The following NKAIN3 variants were observed in gnomAD, a reference collection of about 807,000 sequenced individuals.
The protein encoded by NKAIN3 is sodium/potassium-transporting ATPase subunit beta-1-interacting protein 3.
In NKAIN3, 25 loss-of-function variants were observed where a neutral mutation model predicts 30.2. The observed-to-expected ratio is 0.83, with a 90% CI of 0.60 to 1.16. NKAIN3 has a LOEUF of 1.16. Ranked by LOEUF, NKAIN3 falls within the 50% of genes most tolerant of loss-of-function variation. NKAIN3 has a pLI of 0.00. For missense variants in NKAIN3, 225 were observed against 254.1 expected, an observed-to-expected ratio of 0.89 and a Z score of 0.78; for synonymous variants, 91 against 89.6, an observed-to-expected ratio of 1.02 and a Z score of -0.09.
At chr8:62,354,888 A>T (rs1816297911) in intron 1 of NKAIN3, among the ~76,000 whole-genome samples, 1 of 152,188 alleles carries the variant, frequency 6.6e-6, no homozygotes, top group East Asian at 1.9e-4. Flanking sequence ...AGAGCCCTGC[A>T]CTTAGGACCC....
intron 1 of NKAIN3, among the ~76,000 whole-genome samples, chr8:62,443,938 G>A (rs1017503488): frequency 1.3e-5 from 2 of 151,930 alleles, no homozygotes; most frequent in Middle Eastern, 3.2e-3. Context: ...TTTATATAAA[G>A]CTCTAACAGG....
chr8:62,522,837 AAG>A (rs1808198465), intron 1 of NKAIN3, among the ~76,000 whole-genome samples: 1 of 152,056 alleles, frequency 6.6e-6, no homozygotes, highest in Non-Finnish European at 1.5e-5. Context: ...GTGTTATTGC[AAG>A]AGTCAAAAAG....
rs574237070 is a variant in NKAIN3, at chr8:62,739,267, GA to G, written c.274-7654del. ...ACCCAGAACTTAAAGTATAATTTACGAAAAAAAAAAATATATATATACACAA... is the reference window on the plus strand; with the variant it reads ...ACCCAGAACTTAAAGTATAATTTACGAAAAAAAAAATATATATATACACAA... On this transcript the variant is annotated intron_variant, in intron 3 of 6. Coordinates refer to ENST00000623646, the MANE Select transcript of NKAIN3 (RefSeq NM_001304533.3). Among the ~76,000 whole-genome samples the G allele has an allele frequency of 5.9e-3, 865 of 147,160 alleles. 2 individuals carry two copies. Among genetic ancestry groups the G allele is most frequent in the African/African-American group, 0.011 (439 of 40,170 alleles).
At chr8:62,863,658 GA>G (rs2130791069) in intron 4 of NKAIN3, 1 of 1,353,614 alleles carries the variant, frequency 7.4e-7, no homozygotes, top group African/African-American at 1.4e-5. Flanking sequence ...TAACTTTCTC[GA>G]ACACATTTGA....
At chr8:62,808,541 G>T (rs1818379313) in intron 4 of NKAIN3, among the ~76,000 whole-genome samples, 1 of 152,066 alleles carries the variant, frequency 6.6e-6, no homozygotes, top group African/African-American at 2.4e-5. Flanking sequence ...GAAATAAGGG[G>T]AAAGAGTACC....
chr8:62,828,081 T>TA (rs199884937), intron 4 of NKAIN3, among the ~76,000 whole-genome samples: 109 of 147,414 alleles, frequency 7.4e-4, no homozygotes, highest in Non-Finnish European at 9.3e-4. Flanking sequence ...TACTCAGTAG[T>TA]AAAAAAAAAA....
chr8:62,789,090 G>A (rs1817619210), intron 4 of NKAIN3, among the ~76,000 whole-genome samples: 3 of 151,994 alleles, frequency 2.0e-5, no homozygotes, highest in African/African-American at 7.2e-5. Flanking sequence ...GTAGCTTGAT[G>A]GGGATGGCAT....
chr8:62,375,945 C>CTTACT (rs1174968335), intron 1 of NKAIN3, among the ~76,000 whole-genome samples: 4 of 152,162 alleles, frequency 2.6e-5, no homozygotes, highest in Non-Finnish European at 5.9e-5. Context: ...TTAAGGAGTT[C>CTTACT]TTACTTGGAT....
chr8:62,376,730 T>C (rs1353379658), intron 1 of NKAIN3, among the ~76,000 whole-genome samples: 3 of 152,174 alleles, frequency 2.0e-5, no homozygotes, highest in Non-Finnish European at 4.4e-5. Context: ...TCATGGGGAT[T>C]AAAAATGCAA....
At position 62,970,900 on chromosome 8, in the gene NKAIN3, G is replaced by T. The variant is rs190034033; in HGVS notation, c.*5493G>T. The stretch of plus-strand genomic sequence containing the variant: ...TCTTCTCATAGAATTTGCTTTGGCA[G>T]ACAACTTAGTCTATATTAGTTAGGA... On this transcript the variant is annotated 3_prime_UTR_variant, in exon 7 of 7. Coordinates refer to ENST00000623646, the MANE Select transcript of NKAIN3 (RefSeq NM_001304533.3). Among the ~76,000 whole-genome samples, 175 of 152,288 alleles carry T rather than the reference G, an allele frequency of 1.1e-3. 2 individuals carry two copies. The highest frequency in any genetic ancestry group is 3.5e-3 in the African/African-American group (144 of 41,564).
chr8:62,272,754 G>A (rs965185467), intron 1 of NKAIN3, among the ~76,000 whole-genome samples: 9 of 152,122 alleles, frequency 5.9e-5, no homozygotes, highest in African/African-American at 1.9e-4. Context: ...TCTAACTATG[G>A]CCTGCCAAGT....
At chr8:62,676,485 C>T (rs1285045761) in intron 3 of NKAIN3, among the ~76,000 whole-genome samples, 1 of 152,174 alleles carries the variant, frequency 6.6e-6, no homozygotes, top group African/African-American at 2.4e-5. Context: ...AGTAGAATGG[C>T]GTGAACGTGG....
At chr8:62,415,407 ATTC>A (rs1804413666) in intron 1 of NKAIN3, among the ~76,000 whole-genome samples, 1 of 149,736 alleles carries the variant, frequency 6.7e-6, no homozygotes, top group Non-Finnish European at 1.5e-5. Context: ...ATAAATAGTA[ATTC>A]TTCATTATTA....
chr8:62,628,756 A>C (rs1195946832), intron 3 of NKAIN3, among the ~76,000 whole-genome samples: 1 of 152,126 alleles, frequency 6.6e-6, no homozygotes, highest in African/African-American at 2.4e-5. Context: ...TAGATTTCTC[A>C]TGCATAAGTA....
At chr8:62,361,018 A>T (rs904958421) in intron 1 of NKAIN3, among the ~76,000 whole-genome samples, 1 of 380 alleles carries the variant, frequency 2.6e-3, no homozygotes, top group African/African-American at 3.7e-3. Flanking sequence ...GCTAAAAAAA[A>T]AAAAAAAAAA....
chr8:62,844,295 T>C (rs1269967116), intron 4 of NKAIN3, among the ~76,000 whole-genome samples: 5 of 152,172 alleles, frequency 3.3e-5, no homozygotes, highest in African/African-American at 1.2e-4. Flanking sequence ...TCTCCAGAGT[T>C]ACTGAAGGTT....
At chr8:62,894,011 A>G (rs1039733172) in intron 4 of NKAIN3, among the ~76,000 whole-genome samples, 6 of 152,240 alleles carry the variant, frequency 3.9e-5, no homozygotes, top group African/African-American at 1.4e-4. Flanking sequence ...ATGAAAACCC[A>G]GGACTCCATA....
intron 4 of NKAIN3, among the ~76,000 whole-genome samples, chr8:62,767,888 T>G (rs1816894140): frequency 6.6e-6 from 1 of 152,146 alleles, no homozygotes; most frequent in Admixed American, 6.6e-5. Flanking sequence ...ACATAATTAT[T>G]CTATATTGAT....
intron 1 of NKAIN3, among the ~76,000 whole-genome samples, chr8:62,269,620 A>C (rs1246957020): frequency 1.3e-5 from 2 of 152,200 alleles, no homozygotes; most frequent in East Asian, 3.8e-4. Context: ...TTCAGTGTTC[A>C]AATACGTAGA....
Sources: allele counts gnomAD v4.1 joint callset (sites outside exome capture counted in the v4.1 genomes callset), GRCh38; gene constraint gnomAD v4.1.1; transcripts MANE v1.5; gene names NCBI Gene and HGNC (gene_info 2026-07-23, HGNC 2026-07-21).